GABRA3: variants seen among roughly 807,000 people sequenced by gnomAD.
GABRA3 encodes gamma-aminobutyric acid receptor subunit alpha-3.
In GABRA3, 10 loss-of-function variants were observed where a neutral mutation model predicts 30.1. The observed-to-expected ratio is 0.33, with a 90% CI of 0.20 to 0.56. The LOEUF is 0.56. Ranked by LOEUF, GABRA3 falls within the 20% of genes least tolerant of loss-of-function variation. GABRA3 has a pLI of 0.89. For synonymous variants in GABRA3, 151 were observed against 146.8 expected, an observed-to-expected ratio of 1.03 and a Z score of -0.21; for missense variants, 233 against 392.0, an observed-to-expected ratio of 0.59 and a Z score of 3.42.
chrX:152,335,822 C>T (rs1409103192), intron 3 of GABRA3, among the ~76,000 whole-genome samples: 2 of 110,601 alleles, frequency 1.8e-5, no homozygotes, highest in Non-Finnish European at 3.8e-5. Context: ...TGAGCTCAAG[C>T]GATCCTGCTA....
intron 8 of GABRA3, among the ~76,000 whole-genome samples, chrX:152,196,327 G>T (rs1221125567): frequency 1.9e-5 from 2 of 105,023 alleles, no homozygotes; most frequent in Non-Finnish European, 3.9e-5. Flanking sequence ...AACCTGAGAG[G>T]CGGGGGGTTG....
chrX:152,216,179 T>G (rs7059272), intron 6 of GABRA3, among the ~76,000 whole-genome samples: 29,397 of 109,503 alleles, frequency 0.27, 3,399 homozygotes, highest in African/African-American at 0.42. Context: ...AAAAAAGTAT[T>G]GAGTTTCCTC....
chrX:152,227,004 C>G (rs1444555800), intron 5 of GABRA3, among the ~76,000 whole-genome samples: 2 of 110,713 alleles, frequency 1.8e-5, no homozygotes, highest in African/African-American at 3.3e-5. Flanking sequence ...ACTAGAAATA[C>G]CATTTGACCC....
rs184328617 is a variant in GABRA3 at position 152,445,202 on chromosome X, A to T, written c.-27+5944T>A. Among the ~76,000 whole-genome samples, 28 of 110,279 alleles carry T rather than the reference A, an allele frequency of 2.5e-4. No homozygotes were observed. The East Asian group carries it at 7.4e-3, about 29-fold the overall frequency. On this transcript the variant is annotated intron_variant, in intron 1 of 9. Transcript: ENST00000370314. The stretch of plus-strand genomic sequence containing the variant: ...TATTCAGGAGACATATTTTGTGCAG[A>T]CATCAATACGTTTAAAATCATGCTT...
intron 5 of GABRA3, among the ~76,000 whole-genome samples, chrX:152,240,360 A>T (rs1938333954): frequency 2.1e-5 from 2 of 93,200 alleles, no homozygotes; most frequent in African/African-American, 9.3e-5. Flanking sequence ...CTGCTGAGAG[A>T]TCCGCTGTTA....
chrX:152,208,359 C>T, intron 6 of GABRA3, among the ~76,000 whole-genome samples: 1 of 112,183 alleles, frequency 8.9e-6, no homozygotes, highest in Non-Finnish European at 1.9e-5. Context: ...ATGCTGTGTA[C>T]ATAGAAATGA....
At chrX:152,187,161 C>T (rs1937266418) in intron 9 of GABRA3, 1 of 111,779 alleles carries the variant, frequency 8.9e-6, no homozygotes, top group African/African-American at 3.3e-5. Context: ...TTCCTCTCTG[C>T]AACCAACCAA....
intron 5 of GABRA3, chrX:152,251,068 T>A (rs1380594426): frequency 2.0e-5 from 6 of 306,383 alleles, no homozygotes; most frequent in Non-Finnish European, 1.3e-5. Context: ...TATTTTTCCA[T>A]TTTGAGCCTA....
chrX:152,259,968 A>T (rs1347521704), intron 4 of GABRA3, among the ~76,000 whole-genome samples: 1 of 110,718 alleles, frequency 9.0e-6, no homozygotes, highest in Non-Finnish European at 1.9e-5. Context: ...TGGTTCCTGG[A>T]CAGCATTTCT....
At chrX:152,380,866 C>A (rs1334092018) in intron 1 of GABRA3, among the ~76,000 whole-genome samples, 1 of 111,511 alleles carries the variant, frequency 9.0e-6, no homozygotes. Context: ...AGATCTGATG[C>A]CCAGTGTGGC....
chrX:152,183,162 G>A (rs1937208148), intron 9 of GABRA3, among the ~76,000 whole-genome samples: 1 of 109,935 alleles, frequency 9.1e-6, no homozygotes, highest in African/African-American at 3.3e-5. Context: ...GTGCTCGGTA[G>A]AATTCAACAG....
chrX:152,445,440 A>G (rs1278716514), intron 1 of GABRA3, among the ~76,000 whole-genome samples: 1 of 111,267 alleles, frequency 9.0e-6, no homozygotes, highest in African/African-American at 3.3e-5. Flanking sequence ...ACTTTACTAT[A>G]TATTTTACAA....
intron 3 of GABRA3, among the ~76,000 whole-genome samples, chrX:152,295,790 G>C (rs778093669): frequency 1.5e-4 from 17 of 112,340 alleles, no homozygotes; most frequent in Middle Eastern, 4.6e-3. Flanking sequence ...AATCACGCTG[G>C]GAGCTGCAGA....
intron 6 of GABRA3, among the ~76,000 whole-genome samples, chrX:152,208,456 G>A (rs1030829323): frequency 8.9e-6 from 1 of 111,894 alleles, no homozygotes; most frequent in Non-Finnish European, 1.9e-5. Flanking sequence ...GTAGGGGCAG[G>A]GGGAGGAATG....
At chrX:152,327,691 C>T (rs1940086687) in intron 3 of GABRA3, among the ~76,000 whole-genome samples, 1 of 111,779 alleles carries the variant, frequency 8.9e-6, no homozygotes, top group African/African-American at 3.3e-5. Context: ...CTCTGGGACA[C>T]ATTTAAAGCA....
chrX:152,173,494 T>A (rs975817144), intron 9 of GABRA3, among the ~76,000 whole-genome samples: 8 of 111,453 alleles, frequency 7.2e-5, no homozygotes, highest in African/African-American at 2.6e-4. Context: ...TTGCCCAGGC[T>A]GGAGTGCAAT....
intron 1 of GABRA3, among the ~76,000 whole-genome samples, chrX:152,386,623 C>A (rs764482079): frequency 0.035 from 3,724 of 106,552 alleles, 175 homozygotes; most frequent in African/African-American, 0.12. Context: ...GTTAGAATGG[C>A]GATCATTAAA....
chrX:152,404,885 G>A (rs2124525169), intron 1 of GABRA3, among the ~76,000 whole-genome samples: 1 of 108,293 alleles, frequency 9.2e-6, no homozygotes, highest in East Asian at 2.9e-4. Context: ...TTAAAAAATA[G>A]TTTAGAGGAC....
At chrX:152,206,894 AC>A (rs1937552703) in intron 7 of GABRA3, among the ~76,000 whole-genome samples, 1 of 103,999 alleles carries the variant, frequency 9.6e-6, no homozygotes, top group African/African-American at 3.5e-5. Context: ...CAGCCCACCC[AC>A]CCCTGCAGCC....
Sources: gnomAD v4.1 joint callset for allele counts (sites outside exome capture counted in the v4.1 genomes callset) on GRCh38, gnomAD v4.1.1 for gene constraint, MANE v1.5 for transcripts, NCBI Gene and HGNC (gene_info 2026-07-23, HGNC 2026-07-21) for gene names.